The following RYR2 variants were observed in gnomAD, a reference collection of about 807,000 sequenced individuals.
The protein encoded by RYR2 is ryanodine receptor 2, also known as cardiac muscle ryanodine receptor-calcium release channel.
A neutral mutation model predicts 601.1 loss-of-function variants in RYR2; 227 were observed. The ratio of observed to expected loss-of-function variants is 0.38; its 90% CI spans 0.34 to 0.42. The LOEUF (loss-of-function observed/expected upper bound fraction) is 0.42. Ranked by LOEUF, RYR2 falls within the 10% of genes least tolerant of loss-of-function variation. The pLI is 1.00. For missense variants in RYR2, 4,646 were observed against 6,156.5 expected (o/e 0.75, Z 8.21); for synonymous variants, 2,223 against 2,175.1 (o/e 1.02, Z -0.61).
intron 39 of RYR2, 85 bp from the exon 40 acceptor site, chr1:237,625,576 T>C (rs1679558860): frequency 1.5e-6 from 2 of 1,359,534 alleles, no homozygotes; most frequent in Non-Finnish European, 2.0e-6. Context: ...AAGTTGTGCA[T>C]GAAAGAAATT....
intron 100 of RYR2, among the ~76,000 whole-genome samples, chr1:237,816,409 G>T (rs536526024): frequency 6.6e-6 from 1 of 152,260 alleles, no homozygotes; most frequent in South Asian, 2.1e-4. Context: ...TCCAGGCTAG[G>T]CACGGTGACT....
rs34337859 is a variant in RYR2, at chr1:237,792,349, C to CTGTG, written c.13782+55_13782+58dup. 7.6e-3 allele frequency: 5,350 copies of CTGTG among 705,152 alleles called. 9 individuals are homozygous for CTGTG. The highest frequency in any genetic ancestry group is 0.011 in the East Asian group (386 of 33,902). 43.7% of individuals were successfully genotyped at this position (705,152 alleles called of 1,614,324 possible). On this transcript the variant is annotated intron_variant, in intron 94 of 104. Transcript: ENST00000366574. ...GTAAGATAGTAAGGCACCAAGGTAC[C>CTGTG]TGTGTGTGTGTGTGTGTGTGTGTGT...
chr1:237,489,891 C>A (rs1045250323), intron 17 of RYR2, among the ~76,000 whole-genome samples: 2 of 152,168 alleles, frequency 1.3e-5, no homozygotes, highest in Admixed American at 1.3e-4. Context: ...AATCTAGGTA[C>A]CCATCCACAG....
chr1:237,183,482 C>G (rs754213656), intron 1 of RYR2, among the ~76,000 whole-genome samples: 9 of 152,128 alleles, frequency 5.9e-5, no homozygotes, highest in Non-Finnish European at 1.3e-4. Flanking sequence ...TCATCAGTGA[C>G]CTTTTGATAG....
chr1:237,480,626 G>A (rs1039713036), intron 17 of RYR2, among the ~76,000 whole-genome samples: 1 of 151,914 alleles, frequency 6.6e-6, no homozygotes, highest in African/African-American at 2.4e-5. Flanking sequence ...TAAACTGAAG[G>A]CAGCAAACCA....
rs1351628892 is a variant in RYR2 at position 237,791,420 on chromosome 1, C to T, written c.13477-9C>T. ...TCAGTGACCTTTTCATAATGTTTTTCACCCTCAGAACTATTTTGCTCGCAA... is the reference window on the plus strand; with the variant it reads ...TCAGTGACCTTTTCATAATGTTTTTTACCCTCAGAACTATTTTGCTCGCAA... On this transcript the variant is annotated splice_polypyrimidine_tract_variant and intron_variant, in intron 92 of 104. Coordinates refer to ENST00000366574, the MANE Select transcript of RYR2 (RefSeq NM_001035.3). 8.0e-6 allele frequency: 12 copies of T among 1,493,998 alleles called. No individual in the cohort carries two copies. Among genetic ancestry groups the T allele is most frequent in the Middle Eastern group, 1.7e-4 (1 of 5,892 alleles). 92.5% of individuals were successfully genotyped at this position (1,493,998 alleles called of 1,614,324 possible).
rs144276696 is a variant in RYR2, at chr1:237,795,993, T to C, written c.13956+662T>C. ...ATATGTATATATGTATATACATATA[T>C]AAATGTGTACATGTACATATATGTA... On this transcript the variant is annotated intron_variant, in intron 96 of 104. Transcript: ENST00000366574. Among the ~76,000 whole-genome samples the C allele has an allele frequency of 7.6e-3, 1,136 of 149,798 alleles. 11 individuals are homozygous for C. The highest frequency in any genetic ancestry group is 0.018 in the South Asian group (85 of 4,798).
chr1:237,125,916 C>T (rs927944994), intron 1 of RYR2, among the ~76,000 whole-genome samples: 4 of 152,158 alleles, frequency 2.6e-5, no homozygotes, highest in Non-Finnish European at 4.4e-5. Flanking sequence ...TGAAAATATC[C>T]GTTTTTAAAG....
chr1:237,537,124 C>A lies in RYR2; in HGVS notation c.2906+6614C>A, dbSNP rs574295214. The stretch of plus-strand genomic sequence containing the variant: ...AAATGGAAGACTATGTAAATTAGTA[C>A]AACCACTATGGAGATCAATTTAGCC... On this transcript the variant is annotated intron_variant, in intron 25 of 104. Coordinates refer to ENST00000366574, the MANE Select transcript of RYR2 (RefSeq NM_001035.3). 1.9e-4 allele frequency among the ~76,000 whole-genome samples: 29 copies of A among 152,286 alleles called. No homozygotes were observed. The East Asian group carries it at 4.6e-3, about 24-fold the overall frequency.
At chr1:237,792,031 A>G (rs1038083904) in intron 93 of RYR2, 74 bp from the exon 94 acceptor site, 9 of 1,077,026 alleles carry the variant, frequency 8.4e-6, no homozygotes, top group Non-Finnish European at 1.1e-5. Context: ...AAAAGGCTGT[A>G]TTTCTTTTGT....
chr1:237,680,429 G>A, intron 61 of RYR2, 27 bp from the exon 62 acceptor site: 1 of 1,601,712 alleles, frequency 6.2e-7, no homozygotes, highest in Non-Finnish European at 8.5e-7. Flanking sequence ...CCACTACGTA[G>A]ATCTGTCTTC....
At chr1:237,582,346 A>G (rs975298974) in intron 29 of RYR2, among the ~76,000 whole-genome samples, 1 of 151,134 alleles carries the variant, frequency 6.6e-6, no homozygotes, top group Non-Finnish European at 1.5e-5. Flanking sequence ...CTAACCTCAG[A>G]TGATCTGCCC....
At chr1:237,805,013 A>G (rs1384818900) in intron 98 of RYR2, among the ~76,000 whole-genome samples, 1 of 152,058 alleles carries the variant, frequency 6.6e-6, no homozygotes, top group Non-Finnish European at 1.5e-5. Flanking sequence ...TGCTATTGGC[A>G]TCTAGTTGAT....
chr1:237,108,744 T>G (rs944791349), intron 1 of RYR2, among the ~76,000 whole-genome samples: 6 of 152,154 alleles, frequency 3.9e-5, no homozygotes, highest in African/African-American at 1.4e-4. Flanking sequence ...CCCCAGGTGA[T>G]TTGCATGATC....
chr1:237,631,199 A>G (rs1680209187), intron 41 of RYR2, among the ~76,000 whole-genome samples: 1 of 152,196 alleles, frequency 6.6e-6, no homozygotes, highest in Admixed American at 6.5e-5. Flanking sequence ...CATTTTTACT[A>G]TGTTTATTAC....
chr1:237,588,253 T>A (rs1169060926), intron 29 of RYR2, among the ~76,000 whole-genome samples: 1 of 152,180 alleles, frequency 6.6e-6, no homozygotes, highest in Non-Finnish European at 1.5e-5. Context: ...TATATGTTGC[T>A]GCATACAAAC....
At chr1:237,153,232 AT>A (rs1033952806) in intron 1 of RYR2, among the ~76,000 whole-genome samples, 9 of 152,144 alleles carry the variant, frequency 5.9e-5, no homozygotes, top group Non-Finnish European at 5.9e-5. Flanking sequence ...AGATTTTGAG[AT>A]TTGGGGGGAG....
intron 1 of RYR2, among the ~76,000 whole-genome samples, chr1:237,231,745 G>T (rs1685021865): frequency 6.6e-6 from 1 of 152,118 alleles, no homozygotes; most frequent in African/African-American, 2.4e-5. Context: ...CTGGTAGGGG[G>T]CTTAAGTTTA....
intron 2 of RYR2, among the ~76,000 whole-genome samples, chr1:237,326,514 T>C (rs1696187980): frequency 6.6e-6 from 1 of 152,232 alleles, no homozygotes; most frequent in Non-Finnish European, 1.5e-5. Context: ...CCATATGTAA[T>C]GTGTAAGAGG....
Sources: gnomAD v4.1 joint callset for allele counts (sites outside exome capture counted in the v4.1 genomes callset) on GRCh38, gnomAD v4.1.1 for gene constraint, MANE v1.5 for transcripts, NCBI Gene and HGNC (gene_info 2026-07-23, HGNC 2026-07-21) for gene names.